FAM234A: variants seen among roughly 807,000 people sequenced by gnomAD.
The protein encoded by FAM234A is protein FAM234A.
In FAM234A, 42 loss-of-function variants were observed where a neutral mutation model predicts 49.1. The observed-to-expected ratio is 0.86, with a 90% CI of 0.67 to 1.11. FAM234A has a LOEUF of 1.11. FAM234A is among the 50% of genes least tolerant of loss of function. The pLI is 0.00. For missense variants in FAM234A, 815 were observed against 745.2 expected, an observed-to-expected ratio of 1.09 and a Z score of -1.09; for synonymous variants, 369 against 316.2, an observed-to-expected ratio of 1.17 and a Z score of -1.77.
chr16:262,014 CCTT>C (rs1253584770), intron 6 of FAM234A, 76 bp from the exon 7 acceptor site: 56 of 984,522 alleles, frequency 5.7e-5, no homozygotes, highest in Non-Finnish European at 6.7e-5. Context: ...AGGCTCAGGT[CCTT>C]CTCTTCCTGG....
chr16:266,834 G>A (rs570380103), downstream of FAM234A, among the ~76,000 whole-genome samples: 35 of 152,300 alleles, frequency 2.3e-4, no homozygotes, highest in South Asian at 4.1e-4. Flanking sequence ...GGGCAGGGTG[G>A]GGCTGGAGGG....
At position 254,663 on chromosome 16, in the gene FAM234A, A is replaced by C. The variant is rs1350405632; in HGVS notation, c.250A>C (p.Ile84Leu). The C allele has an allele frequency of 6.2e-7, 1 of 1,613,398 alleles. No homozygotes were observed. The highest frequency in any genetic ancestry group is 1.7e-5 in the Admixed American group (1 of 59,974). The change falls in exon 3 of 13, where the codon ATA becomes CTA. Residue 84 changes from isoleucine (I) to leucine (L), a missense_variant. Physicochemically the swap from Ile to Leu is conservative, Grantham distance 5 (BLOSUM62 2). Transcript: ENST00000399932. ...GCCGGCGTCACAGCGAATGTGGAGG[A>C]TAGACTACAGTGCCGCTGGTGAGCC... ...DRPASQRMWRIDYSAAVIYDF... is the reference protein window; with the variant it reads ...DRPASQRMWRLDYSAAVIYDF...
At chr16:260,313 T>A in intron 5 of FAM234A, 153 bp downstream of exon 5, 1 of 715,022 alleles carries the variant, frequency 1.4e-6, no homozygotes, top group Non-Finnish European at 2.4e-6. Context: ...AACCTCCAAG[T>A]GAGGCTGCAA....
chr16:254,235 T>G (rs2051136543), intron 2 of FAM234A, 146 bp from the exon 3 acceptor site: 1 of 690,104 alleles, frequency 1.4e-6, no homozygotes, highest in African/African-American at 1.8e-5. Context: ...CCCTAAACAT[T>G]TATTTAGCTT....
downstream of FAM234A, among the ~76,000 whole-genome samples, chr16:266,279 C>A (rs1165995774): frequency 6.6e-6 from 1 of 152,234 alleles, no homozygotes; most frequent in Non-Finnish European, 1.5e-5. Context: ...AGAAACTGGG[C>A]ACCCAGCAAT....
chr16:267,166 GCT>G (rs1359209952), downstream of FAM234A, among the ~76,000 whole-genome samples: 1 of 152,120 alleles, frequency 6.6e-6, no homozygotes, highest in Non-Finnish European at 1.5e-5. Context: ...GCCCTCTGCA[GCT>G]CTGTGGCCTT....
chr16:264,512 C>T (rs2051613526), intron 11 of FAM234A, 102 bp from the exon 12 acceptor site: 3 of 880,536 alleles, frequency 3.4e-6, no homozygotes, highest in South Asian at 1.5e-5. Flanking sequence ...CCAGATAGGG[C>T]CCCTAGCAGA....
chr16:267,313 T>C (rs919899854), downstream of FAM234A, among the ~76,000 whole-genome samples: 1 of 151,990 alleles, frequency 6.6e-6, no homozygotes, highest in Non-Finnish European at 1.5e-5. Context: ...GCCCTGGCTG[T>C]CTCCTCCCAA....
chr16:253,132 G>T (rs577089738), intron 2 of FAM234A, among the ~76,000 whole-genome samples: 1 of 152,266 alleles, frequency 6.6e-6, no homozygotes, highest in Non-Finnish European at 1.5e-5. Context: ...GATATCAGGG[G>T]CCCTGTGCCT....
rs1032463615 is a variant in FAM234A at position 261,640 on chromosome 16, C to A, written c.708+126C>A. The stretch of plus-strand genomic sequence containing the variant: ...TCTGACCACTTGCCGGGGACTCGCC[C>A]AGAGCCCCACGTTCCCAACTCCCAT... On this transcript the variant is annotated intron_variant, in intron 6 of 12. Coordinates refer to ENST00000399932, the MANE Select transcript of FAM234A (RefSeq NM_032039.4). 9 of 1,177,684 alleles carry A rather than the reference C, an allele frequency of 7.6e-6. No homozygotes were observed. In the Admixed American group the frequency reaches 2.1e-4, roughly 28 times the overall value. 73.0% of individuals were successfully genotyped at this position (1,177,684 alleles called of 1,614,324 possible).
intron 3 of FAM234A, among the ~76,000 whole-genome samples, chr16:255,146 G>T (rs115496894): frequency 8.2e-4 from 125 of 152,204 alleles, no homozygotes; most frequent in Admixed American, 7.1e-3. Flanking sequence ...GAGCCACAGC[G>T]CCTGGCCCTA....
chr16:249,138 G>A (rs1338895639), intron 1 of FAM234A, among the ~76,000 whole-genome samples: 1 of 151,952 alleles, frequency 6.6e-6, no homozygotes, highest in Non-Finnish European at 1.5e-5. Context: ...CAGAATACAG[G>A]CCGGGCGGCA....
Position 245,626 on chromosome 16 carries a change from A to G in FAM234A, c.-139-3923A>G, listed in dbSNP as rs142515298. On this transcript the variant is annotated intron_variant, in intron 1 of 12. Transcript: ENST00000399932. ...CGTTGGAAGAATTGTCTTGGGCCAC[A>G]CATAAAGTACACTAACACTAATGAT... 3.1e-3 allele frequency among the ~76,000 whole-genome samples: 470 copies of G among 152,274 alleles called. 4 individuals are homozygous for G. Among genetic ancestry groups the G allele is most frequent in the African/African-American group, 0.011 (462 of 41,552 alleles).
At chr16:236,060 C>A (rs1029709087) in intron 1 of FAM234A, among the ~76,000 whole-genome samples, 1 of 151,992 alleles carries the variant, frequency 6.6e-6, no homozygotes, top group Non-Finnish European at 1.5e-5. Flanking sequence ...TCAAGCGATT[C>A]TCCCCACTCA....
chr16:263,948 C>T (rs2051587632), intron 10 of FAM234A, 68 bp from the exon 11 acceptor site: 1 of 1,527,292 alleles, frequency 6.5e-7, no homozygotes. Context: ...GCACGTGTGC[C>T]TGTGCAAGCC....
downstream of FAM234A, chr16:266,136 C>T: frequency 8.4e-6 from 8 of 956,856 alleles, no homozygotes; most frequent in Non-Finnish European, 1.0e-5. Context: ...TGTGCGTCTG[C>T]CTGTCTGTCT....
intron 1 of FAM234A, among the ~76,000 whole-genome samples, chr16:235,615 C>T (rs2050372795): frequency 1.3e-5 from 2 of 152,170 alleles, no homozygotes; most frequent in Admixed American, 1.3e-4. Flanking sequence ...TGACGCGCTC[C>T]CTTCCATGTA....
intron 8 of FAM234A, among the ~76,000 whole-genome samples, 157 bp downstream of exon 8, chr16:262,710 G>T (rs2051520249): frequency 6.6e-6 from 1 of 152,152 alleles, no homozygotes; most frequent in Non-Finnish European, 1.5e-5. Flanking sequence ...TCAGATGTGA[G>T]AAATGGTCAA....
chr16:243,487 A>T (rs1048393631), intron 1 of FAM234A, among the ~76,000 whole-genome samples: 5 of 152,050 alleles, frequency 3.3e-5, no homozygotes, highest in African/African-American at 1.2e-4. Context: ...TGGTATTTTT[A>T]ATGACCGCAG....
Sources: allele counts gnomAD v4.1 joint callset (sites outside exome capture counted in the v4.1 genomes callset), GRCh38; gene constraint gnomAD v4.1.1; transcripts MANE v1.5; gene names NCBI Gene and HGNC (gene_info 2026-07-23, HGNC 2026-07-21).